Variants in CTNND2 observed in about 807,000 individuals in gnomAD.
The protein encoded by CTNND2 is catenin delta 2.
Under a neutral mutation model 144.4 loss-of-function variants are expected in CTNND2, and 22 were observed. The observed-to-expected ratio is 0.15, with a 90% CI of 0.11 to 0.22. The LOEUF (loss-of-function observed/expected upper bound fraction) is 0.22. CTNND2 is among the 10% of genes least tolerant of loss of function. The pLI is 1.00. For missense variants in CTNND2, 1,353 were observed against 1,618.8 expected, an observed-to-expected ratio of 0.84 and a Z score of 2.82; for synonymous variants, 751 against 695.6, an observed-to-expected ratio of 1.08 and a Z score of -1.25.
At chr5:11,631,155 T>G (rs1279061864) in intron 2 of CTNND2, among the ~76,000 whole-genome samples, 1 of 152,172 alleles carries the variant, frequency 6.6e-6, no homozygotes, top group East Asian at 1.9e-4. Context: ...TTGCTGTCAT[T>G]AAGATATTCT....
At chr5:11,698,066 T>C (rs1484074849) in intron 2 of CTNND2, among the ~76,000 whole-genome samples, 1 of 152,062 alleles carries the variant, frequency 6.6e-6, no homozygotes, top group East Asian at 1.9e-4. Flanking sequence ...TGTGCAGAGA[T>C]TGCATAATGG....
intron 2 of CTNND2, among the ~76,000 whole-genome samples, chr5:11,634,839 C>G (rs967863783): frequency 6.6e-6 from 1 of 152,020 alleles, no homozygotes; most frequent in African/African-American, 2.4e-5. Context: ...CCTAAAGGTG[C>G]AGCTTGTGGT....
rs567247752 is a variant in CTNND2 at position 11,781,803 on chromosome 5, C to T, written c.38-49531G>A. On this transcript the variant is annotated intron_variant, in intron 1 of 21. Transcript: ENST00000304623. ...ACAATTACCCATTTGATCTTCTCCC[C>T]GTGTATTTTGGACCTACCATCTAAT... Among the ~76,000 whole-genome samples the T allele has an allele frequency of 6.6e-5, 10 of 152,300 alleles. No individual in the cohort carries two copies. The South Asian group carries it at 1.0e-3, about 16-fold the overall frequency.
intron 2 of CTNND2, among the ~76,000 whole-genome samples, chr5:11,723,322 T>C (rs924689692): frequency 6.6e-6 from 1 of 152,140 alleles, no homozygotes; most frequent in Non-Finnish European, 1.5e-5. Flanking sequence ...CATATTAAAC[T>C]GAAAATATCT....
intron 20 of CTNND2, among the ~76,000 whole-genome samples, chr5:10,983,742 T>C (rs1737589146): frequency 6.6e-6 from 1 of 152,132 alleles, no homozygotes; most frequent in Non-Finnish European, 1.5e-5. Flanking sequence ...TACCAACAGT[T>C]AGAATGCTGT....
intron 9 of CTNND2, among the ~76,000 whole-genome samples, chr5:11,345,808 CA>C (rs951360196): frequency 6.0e-5 from 9 of 150,680 alleles, no homozygotes; most frequent in South Asian, 2.1e-4. Context: ...ACAACAACCA[CA>C]AAAAAAAACC....
chr5:11,450,268 T>C (rs993795965), intron 3 of CTNND2, among the ~76,000 whole-genome samples: 2 of 152,186 alleles, frequency 1.3e-5, no homozygotes, highest in African/African-American at 4.8e-5. Flanking sequence ...GTAGGTTCTA[T>C]CATAAAATCT....
At chr5:11,138,753 C>A (rs1036855080) in intron 12 of CTNND2, among the ~76,000 whole-genome samples, 1 of 152,172 alleles carries the variant, frequency 6.6e-6, no homozygotes, top group African/African-American at 2.4e-5. Context: ...AGGAGCTACA[C>A]AACAGGACCA....
At chr5:11,588,802 G>C (rs1779037642) in intron 2 of CTNND2, 1 of 985,022 alleles carries the variant, frequency 1.0e-6, no homozygotes, top group South Asian at 4.7e-5. Flanking sequence ...CAAACAAGAC[G>C]ACTAGTCCCA....
Position 11,904,162 on chromosome 5 carries a change from A to G in CTNND2, c.-309T>C, listed in dbSNP as rs1738145961. Reference sequence around the variant, plus strand: ...CCTCGGGGCTCCGGGCGCCGCCGCCAGCCGGCCGGGCTGAGAGAGCAGCCG... The same window carrying G: ...CCTCGGGGCTCCGGGCGCCGCCGCCGGCCGGCCGGGCTGAGAGAGCAGCCG... On this transcript the variant is annotated 5_prime_UTR_variant, in exon 1 of 22. Coordinates refer to ENST00000304623, the MANE Select transcript of CTNND2 (RefSeq NM_001332.4). The surrounding 1 kb of genome is among the most constrained non-coding windows in gnomAD (Gnocchi z 4.2). The G allele has an allele frequency of 6.9e-6, 1 of 144,648 alleles. No individual in the cohort carries two copies. The highest frequency in any genetic ancestry group is 2.1e-4 in the South Asian group (1 of 4,712). 9.0% of individuals were successfully genotyped at this position (144,648 alleles called of 1,614,324 possible).
At chr5:11,680,609 G>C (rs891929053) in intron 2 of CTNND2, among the ~76,000 whole-genome samples, 1 of 152,108 alleles carries the variant, frequency 6.6e-6, no homozygotes, top group Non-Finnish European at 1.5e-5. Flanking sequence ...TGTGCATTAC[G>C]TGCACTTAAA....
intron 15 of CTNND2, among the ~76,000 whole-genome samples, chr5:11,096,339 G>A (rs936514209): frequency 6.6e-5 from 10 of 151,878 alleles, no homozygotes; most frequent in African/African-American, 1.7e-4. Flanking sequence ...GCCAGGCCCC[G>A]GTGTGTGATG....
intron 1 of CTNND2, among the ~76,000 whole-genome samples, chr5:11,735,517 C>T (rs1054815041): frequency 5.3e-5 from 8 of 152,140 alleles, no homozygotes; most frequent in African/African-American, 9.7e-5. Context: ...ACAGGGGACT[C>T]TATGCAAGGT....
intron 1 of CTNND2, among the ~76,000 whole-genome samples, chr5:11,747,144 C>T (rs562141935): frequency 3.3e-5 from 5 of 152,088 alleles, no homozygotes; most frequent in Non-Finnish European, 7.4e-5. Flanking sequence ...GCATCAACAA[C>T]CATCCTAGTT....
chr5:11,099,420 C>A (rs918405577), intron 14 of CTNND2, among the ~76,000 whole-genome samples: 1 of 151,936 alleles, frequency 6.6e-6, no homozygotes, highest in Non-Finnish European at 1.5e-5. Flanking sequence ...AATTAATTAC[C>A]CATAATTTAG....
intron 2 of CTNND2, among the ~76,000 whole-genome samples, chr5:11,726,342 A>G (rs1440957673): frequency 2.0e-5 from 3 of 152,208 alleles, no homozygotes; most frequent in Non-Finnish European, 2.9e-5. Context: ...AGAAGGTTAA[A>G]TGTACAAAGA....
chr5:11,335,708 C>T (rs1753665246), intron 9 of CTNND2, among the ~76,000 whole-genome samples: 2 of 152,128 alleles, frequency 1.3e-5, no homozygotes, highest in Non-Finnish European at 2.9e-5. Flanking sequence ...AAAGAAAAAC[C>T]TCAACTTTTC....
At chr5:11,433,421 G>A (rs1345426829) in intron 3 of CTNND2, among the ~76,000 whole-genome samples, 3 of 152,214 alleles carry the variant, frequency 2.0e-5, no homozygotes, top group Admixed American at 1.3e-4. Flanking sequence ...CAGCAAGGCT[G>A]TTGTATCAGG....
chr5:11,184,974 G>A (rs1735471769), intron 11 of CTNND2, among the ~76,000 whole-genome samples: 1 of 152,196 alleles, frequency 6.6e-6, no homozygotes, highest in Admixed American at 6.5e-5. Flanking sequence ...AGGAGTGCTT[G>A]TGCCTTAGTC....
Sources: gnomAD v4.1 joint callset for allele counts (sites outside exome capture counted in the v4.1 genomes callset) on GRCh38, gnomAD v4.1.1 for gene constraint, Gnocchi (gnomAD v3.1) non-coding constraint, MANE v1.5 for transcripts, NCBI Gene and HGNC (gene_info 2026-07-23, HGNC 2026-07-21) for gene names.